The following PDSS2 variants were observed in gnomAD, a reference collection of about 807,000 sequenced individuals.
PDSS2 encodes the protein all trans-polyprenyl-diphosphate synthase PDSS2.
A neutral mutation model predicts 44.5 loss-of-function variants in PDSS2; 31 were observed. The ratio of observed to expected loss-of-function variants is 0.70; its 90% CI spans 0.52 to 0.94. The LOEUF (loss-of-function observed/expected upper bound fraction) is 0.94, where lower values mean the gene tolerates loss of function less well. Ranked by LOEUF, PDSS2 falls within the 40% of genes least tolerant of loss-of-function variation. PDSS2 has a pLI of 0.00. For missense variants in PDSS2, 452 were observed against 482.2 expected, an observed-to-expected ratio of 0.94 and a Z score of 0.59; for synonymous variants, 157 against 180.3, an observed-to-expected ratio of 0.87 and a Z score of 1.03.
intron 2 of PDSS2, among the ~76,000 whole-genome samples, chr6:107,296,762 TAAAAC>T (rs1018063405): frequency 6.6e-6 from 1 of 151,876 alleles, no homozygotes; most frequent in African/African-American, 2.4e-5. Flanking sequence ...AATAAAAAAA[TAAAAC>T]ACTGAACTCA....
At chr6:107,309,634 G>A (rs998870130) in intron 2 of PDSS2, among the ~76,000 whole-genome samples, 1 of 152,120 alleles carries the variant, frequency 6.6e-6, no homozygotes, top group African/African-American at 2.4e-5. Context: ...AGGATGCTGG[G>A]GTGTGCCACA....
chr6:107,210,147 T>C lies in PDSS2; in HGVS notation c.1008+292A>G, dbSNP rs779007064. The stretch of plus-strand genomic sequence containing the variant: ...GGTGCTATTACCATAGCCCAATTTT[T>C]GAAAGCCTTTAGAAAAAAAAAGTCA... On this transcript the variant is annotated intron_variant, in intron 6 of 7. Coordinates refer to ENST00000369037, the MANE Select transcript of PDSS2 (RefSeq NM_020381.4). 2.1e-4 allele frequency among the ~76,000 whole-genome samples: 32 copies of C among 152,152 alleles called. 1 individual carries two copies. The highest frequency in any genetic ancestry group is 3.2e-3 in the Middle Eastern group (1 of 316).
At position 107,181,154 on chromosome 6, in the gene PDSS2, A is replaced by G. The variant is rs541118684; in HGVS notation, c.1041+12668T>C. On this transcript the variant is annotated intron_variant, in intron 7 of 7. Coordinates refer to ENST00000369037, the MANE Select transcript of PDSS2 (RefSeq NM_020381.4). The stretch of plus-strand genomic sequence containing the variant: ...GCCACCACACCCAGCCACATATAAT[A>G]TTTTAAACCAAGCATCAATAAACTA... Among the ~76,000 whole-genome samples the G allele has an allele frequency of 2.0e-5, 3 of 152,330 alleles. No individual in the cohort carries two copies. The East Asian group carries it at 5.8e-4, about 29-fold the overall frequency.
intron 2 of PDSS2, among the ~76,000 whole-genome samples, chr6:107,331,694 G>A (rs1333180342): frequency 6.6e-6 from 1 of 152,040 alleles, no homozygotes; most frequent in Non-Finnish European, 1.5e-5. Flanking sequence ...TCACTTTCTA[G>A]CTAAAATATT....
intron 7 of PDSS2, among the ~76,000 whole-genome samples, chr6:107,185,732 C>T (rs1162099898): frequency 6.6e-6 from 1 of 152,192 alleles, no homozygotes; most frequent in Admixed American, 6.5e-5. Context: ...CGAGAGCCTT[C>T]TCCACCAGTC....
chr6:107,447,637 T>G, intron 1 of PDSS2, among the ~76,000 whole-genome samples: 1 of 152,232 alleles, frequency 6.6e-6, no homozygotes, highest in East Asian at 1.9e-4. Context: ...CTCTCCTGGC[T>G]GCTTTCACAG....
At chr6:107,449,036 T>A (rs971406535) in intron 1 of PDSS2, among the ~76,000 whole-genome samples, 37 of 152,172 alleles carry the variant, frequency 2.4e-4, no homozygotes, top group African/African-American at 8.9e-4. Context: ...GAGATTTGGG[T>A]GGGGACACAG....
chr6:107,293,103 A>G (rs1306584370), intron 2 of PDSS2, among the ~76,000 whole-genome samples: 2 of 152,160 alleles, frequency 1.3e-5, no homozygotes, highest in Admixed American at 1.3e-4. Context: ...ATGAATTCCA[A>G]TGAAAGCCCT....
chr6:107,369,054 C>T (rs1779050116), intron 1 of PDSS2, among the ~76,000 whole-genome samples: 2 of 152,160 alleles, frequency 1.3e-5, no homozygotes, highest in Admixed American at 6.6e-5. Context: ...AGTGCCAAGA[C>T]AATTCAATGG....
intron 2 of PDSS2, among the ~76,000 whole-genome samples, chr6:107,279,032 C>T (rs1409304395): frequency 1.3e-5 from 2 of 152,096 alleles, no homozygotes; most frequent in African/African-American, 2.4e-5. Context: ...GCAGCCTGGC[C>T]AACATGGTGA....
intron 6 of PDSS2, among the ~76,000 whole-genome samples, chr6:107,207,782 G>A (rs780353053): frequency 7.3e-5 from 11 of 150,062 alleles, no homozygotes; most frequent in Non-Finnish European, 1.5e-4. Context: ...GCTAACTTTT[G>A]TATTTTTAAT....
intron 1 of PDSS2, among the ~76,000 whole-genome samples, chr6:107,416,935 A>C (rs1336870858): frequency 1.3e-5 from 2 of 152,114 alleles, no homozygotes; most frequent in Non-Finnish European, 2.9e-5. Context: ...GGATTTCAAA[A>C]AGCACTTATC....
chr6:107,225,161 A>AT (rs71012786), intron 4 of PDSS2, among the ~76,000 whole-genome samples: 22 of 50,392 alleles, frequency 4.4e-4, no homozygotes, highest in Non-Finnish European at 4.9e-4. Flanking sequence ...ATATATATAT[A>AT]TTTTTTTTTT....
intron 1 of PDSS2, among the ~76,000 whole-genome samples, chr6:107,402,501 C>CATATATACGTATATACGTATAT (rs1554276795): frequency 2.1e-5 from 1 of 48,720 alleles, no homozygotes; most frequent in Non-Finnish European, 4.8e-5. Flanking sequence ...TATATGTATA[C>CATATATACGTATATACGTATAT]ATATATATAC....
At chr6:107,200,210 C>T (rs1772721902) in intron 6 of PDSS2, among the ~76,000 whole-genome samples, 1 of 152,172 alleles carries the variant, frequency 6.6e-6, no homozygotes. Flanking sequence ...TAATTGTGAA[C>T]ACTTCAAGAG....
chr6:107,326,063 C>G (rs553425365), intron 2 of PDSS2, among the ~76,000 whole-genome samples: 2 of 151,560 alleles, frequency 1.3e-5, no homozygotes, highest in African/African-American at 4.8e-5. Context: ...TGAGGTAATA[C>G]GGATAAAATA....
intron 4 of PDSS2, among the ~76,000 whole-genome samples, chr6:107,218,547 T>A (rs1038929013): frequency 6.6e-6 from 1 of 152,218 alleles, no homozygotes; most frequent in Non-Finnish European, 1.5e-5. Flanking sequence ...CATATACTTA[T>A]TTGTTAAATG....
intron 4 of PDSS2, among the ~76,000 whole-genome samples, chr6:107,229,475 GC>G (rs1206296555): frequency 6.6e-6 from 1 of 152,158 alleles, no homozygotes; most frequent in Non-Finnish European, 1.5e-5. Flanking sequence ...GAGCAACTGT[GC>G]CCGGCCTCAC....
At chr6:107,416,095 T>C (rs1252821312) in intron 1 of PDSS2, among the ~76,000 whole-genome samples, 1 of 152,244 alleles carries the variant, frequency 6.6e-6, no homozygotes, top group African/African-American at 2.4e-5. Context: ...GAACAAATTA[T>C]GTATTAGTAC....
Sources: gnomAD v4.1 joint callset for allele counts (sites outside exome capture counted in the v4.1 genomes callset) on GRCh38, gnomAD v4.1.1 for gene constraint, MANE v1.5 for transcripts, NCBI Gene and HGNC (gene_info 2026-07-23, HGNC 2026-07-21) for gene names.